Variants in ODR4 observed in about 807,000 individuals in gnomAD.
ODR4 encodes odr-4 GPCR localization factor homolog.
ODR4 carries 47 observed loss-of-function variants against 60.2 expected under a neutral mutation model. That is an observed-to-expected ratio of 0.78 (90% confidence interval 0.62 to 1.00). The LOEUF (loss-of-function observed/expected upper bound fraction) is 1.00. ODR4 is among the 50% of genes least tolerant of loss of function. The probability of loss-of-function intolerance (pLI) is 0.00; values close to 1 mark genes in which losing one functional copy is unlikely to be tolerated. For synonymous variants in ODR4, 178 were observed against 175.5 expected, an observed-to-expected ratio of 1.01 and a Z score of -0.11; for missense variants, 488 against 530.8, an observed-to-expected ratio of 0.92 and a Z score of 0.79.
intron 12 of ODR4, among the ~76,000 whole-genome samples, chr1:186,414,379 A>G (rs565476054): frequency 6.6e-5 from 10 of 152,236 alleles, no homozygotes; most frequent in Admixed American, 2.0e-4. Flanking sequence ...TATGACAACT[A>G]AAACAATTTT....
Position 186,379,778 on chromosome 1 carries a change from T to G in ODR4, c.-8T>G. The G allele has an allele frequency of 6.5e-7, 1 of 1,539,536 alleles. No homozygotes were observed. The highest frequency in any genetic ancestry group is 1.7e-4 in the Middle Eastern group (1 of 5,768). ...TTCTTGTGATATAGGAGATTTTAGT[T>G]CCTAAAAATGGGAAGAACCTACATT... On this transcript the variant is annotated 5_prime_UTR_variant, in exon 2 of 14. Transcript: ENST00000287859.
intron 13 of ODR4, among the ~76,000 whole-genome samples, chr1:186,417,934 T>C (rs1053504504): frequency 3.3e-5 from 5 of 152,216 alleles, no homozygotes; most frequent in Non-Finnish European, 7.4e-5. Context: ...ATAGTAGGGC[T>C]AATGTTTTAC....
chr1:186,381,332 CTTT>C (rs752239468), intron 2 of ODR4, among the ~76,000 whole-genome samples: 1 of 144,596 alleles, frequency 6.9e-6, no homozygotes. Flanking sequence ...GGCCTTCCTT[CTTT>C]TTTTTTTTTT....
At chr1:186,403,671 A>G (rs1480593968) in intron 11 of ODR4, among the ~76,000 whole-genome samples, 2 of 151,784 alleles carry the variant, frequency 1.3e-5, no homozygotes, top group Non-Finnish European at 1.5e-5. Context: ...GTCAGTTTAA[A>G]AAAAAAAAAA....
At chr1:186,399,795 A>G (rs986003334) in intron 11 of ODR4, among the ~76,000 whole-genome samples, 6 of 151,996 alleles carry the variant, frequency 3.9e-5, no homozygotes, top group East Asian at 1.9e-4. Flanking sequence ...TATTACTCTA[A>G]CAGACTTCAT....
At chr1:186,380,375 TG>T (rs1659977225) in intron 2 of ODR4, among the ~76,000 whole-genome samples, 1 of 152,120 alleles carries the variant, frequency 6.6e-6, no homozygotes, top group South Asian at 2.1e-4. Flanking sequence ...TTGTTGTTGT[TG>T]TTGGATCAAT....
chr1:186,407,467 A>G (rs1177337892), intron 12 of ODR4, among the ~76,000 whole-genome samples: 2 of 152,080 alleles, frequency 1.3e-5, no homozygotes, highest in African/African-American at 4.8e-5. Context: ...AGGCCTAGCA[A>G]TAGTTCTTGA....
At chr1:186,434,581 A>C in the ODR4 span, among the ~76,000 whole-genome samples, 1 of 152,240 alleles carries the variant, frequency 6.6e-6, no homozygotes, top group Non-Finnish European at 1.5e-5. Context: ...AACAAAAAAG[A>C]AAATTAAAAA....
chr1:186,402,226 C>CTTTCTTTCTTTCTT (rs1553237006), intron 11 of ODR4, among the ~76,000 whole-genome samples: 2 of 149,258 alleles, frequency 1.3e-5, no homozygotes, highest in Admixed American at 6.7e-5. Context: ...TTCTTTCTTT[C>CTTTCTTTCTTTCTT]TTTCTTTCCT....
chr1:186,406,490 A>G (rs1180174972), intron 12 of ODR4, among the ~76,000 whole-genome samples: 5 of 152,286 alleles, frequency 3.3e-5, no homozygotes, highest in Non-Finnish European at 4.4e-5. Context: ...TTAAGATACT[A>G]AGGTATTTTT....
downstream of ODR4, among the ~76,000 whole-genome samples, chr1:186,423,997 A>G (rs12094398): frequency 0.13 from 19,506 of 152,190 alleles, 1,329 homozygotes; most frequent in Middle Eastern, 0.18. Context: ...ATAGACTCTG[A>G]GCTCAGAAAG....
In ODR4 at chr1:186,388,483, G is replaced by T; in HGVS notation, c.372G>T (p.Leu124Phe). 2 of 1,571,536 alleles carry T rather than the reference G, an allele frequency of 1.3e-6. No individual in the cohort carries two copies. Among genetic ancestry groups the T allele is most frequent in the Non-Finnish European group, 1.7e-6 (2 of 1,158,020 alleles). ...AAAAGTCTATAAATAGAAAGAGATT[G>T]TGGAATTTCACAGAGGAGGAAGTCT... ...AVEKSINRKR[L>F]WNFTEEEVSE... The change falls in exon 5 of 14, where the codon TTG becomes TTT. Residue 124 changes from leucine to phenylalanine, a missense_variant. By Grantham distance (22) the Leu-to-Phe change is conservative. Transcript: ENST00000287859.
chr1:186,424,275 A>C (rs1449099961), downstream of ODR4, among the ~76,000 whole-genome samples: 3 of 152,264 alleles, frequency 2.0e-5, no homozygotes, highest in Non-Finnish European at 2.9e-5. Flanking sequence ...TCAGAAGTCT[A>C]CATACAGTAT....
At chr1:186,426,487 T>C in the ODR4 span, among the ~76,000 whole-genome samples, 1 of 152,202 alleles carries the variant, frequency 6.6e-6, no homozygotes, top group Non-Finnish European at 1.5e-5. Context: ...GCATGGTGAT[T>C]GAATTCCAAA....
intron 12 of ODR4, among the ~76,000 whole-genome samples, chr1:186,413,591 A>T (rs1661449499): frequency 6.6e-6 from 1 of 152,194 alleles, no homozygotes; most frequent in Non-Finnish European, 1.5e-5. Flanking sequence ...ACCATCTAAA[A>T]AAATTTGAAG....
chr1:186,417,697 G>C, intron 13 of ODR4, 43 bp downstream of exon 13: 2 of 1,045,130 alleles, frequency 1.9e-6, no homozygotes, highest in Non-Finnish European at 2.9e-6. Flanking sequence ...AACATATTTA[G>C]ATTTGAGTTT....
chr1:186,384,175 A>G (rs1229787961), intron 3 of ODR4, among the ~76,000 whole-genome samples: 1 of 152,206 alleles, frequency 6.6e-6, no homozygotes, highest in Non-Finnish European at 1.5e-5. Flanking sequence ...GCTGGCTGCA[A>G]GATTGAGCAT....
At chr1:186,401,492 C>T (rs572270266) in intron 11 of ODR4, 2 of 205,322 alleles carry the variant, frequency 9.7e-6, no homozygotes, top group South Asian at 2.0e-4. Flanking sequence ...TTCTCTCTTT[C>T]TTTCTTTCTC....
chr1:186,393,976 A>G lies in ODR4; in HGVS notation c.741A>G (p.Ala247=). ...AATCTTCTAGAGGAAATACTCAAGC[A>G]ACTAGTCATTCTTTTGATGTCAGAG... ...QKKSSRGNTQ[A]TSHSFDVRVL... Residue 247 remains alanine (A), a synonymous_variant, in exon 9 of 14, where the codon GCA becomes GCG. Coordinates refer to ENST00000287859, the MANE Select transcript of ODR4 (RefSeq NM_017847.6). 1 of 1,524,642 alleles carries G rather than the reference A, an allele frequency of 6.6e-7. No individual in the cohort carries two copies. Among genetic ancestry groups the G allele is most frequent in the Non-Finnish European group, 8.9e-7 (1 of 1,126,000 alleles). 94.4% of individuals were successfully genotyped at this position (1,524,642 alleles called of 1,614,324 possible).
Sources: gnomAD v4.1 joint callset for allele counts (sites outside exome capture counted in the v4.1 genomes callset) on GRCh38, gnomAD v4.1.1 for gene constraint, MANE v1.5 for transcripts, NCBI Gene and HGNC (gene_info 2026-07-23, HGNC 2026-07-21) for gene names.